SOX6: variants seen among roughly 807,000 people sequenced by gnomAD.
SOX6 encodes transcription factor SOX-6.
SOX6 carries 11 observed loss-of-function variants against 97.8 expected under a neutral mutation model. The ratio of observed to expected loss-of-function variants is 0.11; its 90% CI spans 0.07 to 0.19. SOX6 has a LOEUF of 0.19. Among genes scored for constraint, SOX6 ranks in the 10% least tolerant of loss-of-function variants. SOX6 has a pLI of 1.00. For synonymous variants in SOX6, 360 were observed against 371.4 expected (o/e 0.97, Z 0.35); for missense variants, 810 against 1,039.5 (o/e 0.78, Z 3.04).
At chr11:16,340,866 G>C (rs1590139446) in intron 2 of SOX6, 146 bp downstream of exon 2, 2 of 1,123,076 alleles carry the variant, frequency 1.8e-6, no homozygotes, top group East Asian at 2.5e-5. Context: ...CCAGTTATTA[G>C]TATCTTAGTA....
intron 9 of SOX6, among the ~76,000 whole-genome samples, chr11:16,069,417 T>C (rs1289738204): frequency 6.6e-6 from 1 of 152,198 alleles, no homozygotes; most frequent in Non-Finnish European, 1.5e-5. Context: ...AATTTGTACA[T>C]TCTATCACAA....
chr11:16,087,998 G>C (rs1255322618), intron 9 of SOX6, among the ~76,000 whole-genome samples: 1 of 150,944 alleles, frequency 6.6e-6, no homozygotes, highest in Non-Finnish European at 1.5e-5. Flanking sequence ...ACAGGGTGGG[G>C]GGTGGGGAAA....
At chr11:16,114,517 T>G (rs2133998288) in intron 6 of SOX6, among the ~76,000 whole-genome samples, 1 of 152,304 alleles carries the variant, frequency 6.6e-6, no homozygotes, top group South Asian at 2.1e-4. Context: ...TCTTATATGG[T>G]TTGCATATTC....
At chr11:16,226,784 A>G (rs942837096) in intron 4 of SOX6, among the ~76,000 whole-genome samples, 9 of 152,080 alleles carry the variant, frequency 5.9e-5, no homozygotes, top group Non-Finnish European at 8.8e-5. Flanking sequence ...ATACTACTAC[A>G]TGGAGAACTG....
intron 15 of SOX6, among the ~76,000 whole-genome samples, chr11:15,982,121 T>C (rs1853673068): frequency 6.6e-6 from 1 of 152,000 alleles, no homozygotes; most frequent in African/African-American, 2.4e-5. Context: ...TTGATGCTCT[T>C]AACCACAATG....
At chr11:16,538,649 A>AC (rs1238154834) in intron 4 of SOX6, among the ~76,000 whole-genome samples, 2 of 151,976 alleles carry the variant, frequency 1.3e-5, no homozygotes, top group African/African-American at 4.8e-5. Flanking sequence ...CAAATGGAAA[A>AC]CAAAAAAAAA....
chr11:16,532,763 A>G (rs1861254887), intron 4 of SOX6, among the ~76,000 whole-genome samples: 1 of 151,924 alleles, frequency 6.6e-6, no homozygotes. Context: ...TATCCTAAAT[A>G]TCTTCTGAAG....
chr11:16,096,237 A>G, intron 8 of SOX6, 119 bp from the exon 9 acceptor site: 1 of 1,241,082 alleles, frequency 8.1e-7, no homozygotes, highest in African/African-American at 1.5e-5. Flanking sequence ...AGAAAGTAGA[A>G]AGTTTAAGAC....
chr11:16,563,724 C>A (rs960751101), intron 4 of SOX6, among the ~76,000 whole-genome samples: 1 of 152,072 alleles, frequency 6.6e-6, no homozygotes. Context: ...TGAAAACATC[C>A]TAATTATAGT....
chr11:16,087,083 T>A (rs1463854097), intron 9 of SOX6, among the ~76,000 whole-genome samples: 2 of 152,190 alleles, frequency 1.3e-5, no homozygotes, highest in African/African-American at 4.8e-5. Flanking sequence ...TTTACTAGAA[T>A]AGTAATCTTG....
chr11:16,107,495 T>C (rs990631586), intron 7 of SOX6, among the ~76,000 whole-genome samples: 1 of 150,140 alleles, frequency 6.7e-6, no homozygotes, highest in East Asian at 1.9e-4. Flanking sequence ...ACAATATGGA[T>C]GGACCTTGAA....
upstream of SOX6, among the ~76,000 whole-genome samples, chr11:16,477,070 T>G (rs948609946): frequency 6.6e-6 from 1 of 152,088 alleles, no homozygotes; most frequent in African/African-American, 2.4e-5. Context: ...TGCATTAAGG[T>G]GGTTTGGTAG....
intron 6 of SOX6, among the ~76,000 whole-genome samples, chr11:16,132,501 A>AAGCAAGCAAGCAAGCAAGC (rs1554934078): frequency 8.6e-5 from 7 of 81,188 alleles, no homozygotes; most frequent in African/African-American, 1.9e-4. Flanking sequence ...AGAAAGAAAG[A>AAGCAAGCAAGCAAGCAAGC]AAGAAAGCTT....
chr11:16,140,467 C>T (rs989373997), intron 6 of SOX6, among the ~76,000 whole-genome samples: 3 of 152,100 alleles, frequency 2.0e-5, no homozygotes, highest in Non-Finnish European at 4.4e-5. Context: ...AAGTTTGATA[C>T]CTGGCTCCAA....
Position 15,985,216 on chromosome 11 carries a change from C to T in SOX6, c.2183+988G>A, listed in dbSNP as rs563506817. 2.0e-5 allele frequency among the ~76,000 whole-genome samples: 3 copies of T among 152,260 alleles called. No homozygotes were observed. In the South Asian group the frequency reaches 6.2e-4, roughly 32 times the overall value. Reference sequence around the variant, plus strand: ...TTCCACAGGGTTACCTCTTGAGTGCCCTTAAAAGTGAATAGCTCTTGGCTT... The same window carrying T: ...TTCCACAGGGTTACCTCTTGAGTGCTCTTAAAAGTGAATAGCTCTTGGCTT... On this transcript the variant is annotated intron_variant, in intron 15 of 15. Transcript: ENST00000683767.
chr11:16,249,563 C>T (rs761000603), intron 3 of SOX6, among the ~76,000 whole-genome samples: 2 of 152,172 alleles, frequency 1.3e-5, no homozygotes, highest in Non-Finnish European at 2.9e-5. Context: ...CAACCTCTGC[C>T]TGTTATCCAG....
At chr11:16,490,756 T>C (rs1265154518) in intron 4 of SOX6, among the ~76,000 whole-genome samples, 1 of 152,044 alleles carries the variant, frequency 6.6e-6, no homozygotes, top group African/African-American at 2.4e-5. Flanking sequence ...AAAGTAAAAA[T>C]TTTAAAATAT....
intron 4 of SOX6, among the ~76,000 whole-genome samples, chr11:16,500,855 A>T (rs1013229192): frequency 2.6e-5 from 4 of 152,194 alleles, no homozygotes; most frequent in East Asian, 1.9e-4. Context: ...GGGTAGGAAG[A>T]ATCAATATTG....
chr11:16,266,190 G>A (rs1161210813), intron 3 of SOX6, among the ~76,000 whole-genome samples: 1 of 151,600 alleles, frequency 6.6e-6, no homozygotes, highest in African/African-American at 2.4e-5. Flanking sequence ...CCCCAAAAAG[G>A]CAGGTTATTG....
Sources: gnomAD v4.1 joint callset for allele counts (sites outside exome capture counted in the v4.1 genomes callset) on GRCh38, gnomAD v4.1.1 for gene constraint, MANE v1.5 for transcripts, NCBI Gene and HGNC (gene_info 2026-07-23, HGNC 2026-07-21) for gene names.